Variants in ITGB1 observed in about 807,000 individuals in gnomAD.
ITGB1 encodes integrin subunit beta 1, also known as integrin beta-1.
Under a neutral mutation model 86.5 loss-of-function variants are expected in ITGB1, and 24 were observed. That is an observed-to-expected ratio of 0.28 (90% confidence interval 0.20 to 0.39). The LOEUF (loss-of-function observed/expected upper bound fraction) is 0.39, where lower values mean the gene tolerates loss of function less well. Among genes scored for constraint, ITGB1 ranks in the 10% least tolerant of loss-of-function variants. The pLI is 1.00. For missense variants in ITGB1, 556 were observed against 946.9 expected (o/e 0.59, Z 5.42); for synonymous variants, 323 against 316.8 (o/e 1.02, Z -0.21).
At chr10:32,929,792 G>C (rs770339589) in intron 4 of ITGB1, 30 bp downstream of exon 4, 1 of 1,239,482 alleles carries the variant, frequency 8.1e-7, no homozygotes, top group Admixed American at 1.7e-5. Flanking sequence ...AAGTAAACAC[G>C]CAGGTATTCA....
chr10:32,937,768 T>C (rs962894172), intron 1 of ITGB1, among the ~76,000 whole-genome samples: 4 of 152,130 alleles, frequency 2.6e-5, no homozygotes, highest in Non-Finnish European at 5.9e-5. Flanking sequence ...GTTAGGGTCT[T>C]CTTTCTACTT....
chr10:32,917,023 T>C (rs1376864340), intron 11 of ITGB1, among the ~76,000 whole-genome samples: 1 of 152,082 alleles, frequency 6.6e-6, no homozygotes, highest in Admixed American at 6.6e-5. Flanking sequence ...AACAGAGCCC[T>C]CAGAAATAAT....
rs1224265943 is a variant in ITGB1, at chr10:32,905,911, G to C, written c.2331+2457C>G. Among the ~76,000 whole-genome samples the C allele has an allele frequency of 3.9e-5, 6 of 152,144 alleles. No individual in the cohort carries two copies. The East Asian group carries it at 1.2e-3, about 29-fold the overall frequency. ...CTCAACCACCAGTCAGGAGAATTTA[G>C]TTCTAATCACAATTAACCTTTGTTA... is the stretch of plus-strand genomic sequence containing the variant. On this transcript the variant is annotated intron_variant, in intron 15 of 15. Transcript: ENST00000302278.
chr10:32,927,301 G>C (rs2094968021), intron 5 of ITGB1, among the ~76,000 whole-genome samples: 1 of 152,116 alleles, frequency 6.6e-6, no homozygotes, highest in South Asian at 2.1e-4. Context: ...TAAACCTCTA[G>C]AGCAACAGGA....
chr10:32,939,318 T>A (rs934434015), intron 1 of ITGB1, among the ~76,000 whole-genome samples: 4 of 152,210 alleles, frequency 2.6e-5, no homozygotes, highest in African/African-American at 9.6e-5. Flanking sequence ...CTAGAAACAG[T>A]TGTCTACACT....
In ITGB1 at chr10:32,918,831, GA is replaced by G. The variant is rs963558374; in HGVS notation, c.1469+1053del. ...ACATGCAAAAAAGTGTATGGAAGTT[GA>G]AAAAAAACATACTGTGTATACCACT... On this transcript the variant is annotated intron_variant, in intron 11 of 15. Transcript: ENST00000302278. Among the ~76,000 whole-genome samples, 209 of 151,600 alleles carry G rather than the reference GA, an allele frequency of 1.4e-3. 2 individuals carry two copies. The highest frequency in any genetic ancestry group is 4.9e-3 in the African/African-American group (201 of 41,334).
At chr10:32,935,402 T>TG (rs2137239643) in intron 2 of ITGB1, 90 bp downstream of exon 2, 1 of 769,590 alleles carries the variant, frequency 1.3e-6, no homozygotes, top group Admixed American at 2.0e-5. Context: ...AGCATGATTA[T>TG]GACTTAGGTT....
intron 9 of ITGB1, 34 bp from the exon 10 acceptor site, chr10:32,920,419 C>A: frequency 6.2e-7 from 1 of 1,600,782 alleles, no homozygotes; most frequent in South Asian, 1.1e-5. Flanking sequence ...CAGGAAAAGT[C>A]AAACAAAATG....
At chr10:32,948,531 G>A (rs1029413888) in intron 1 of ITGB1, among the ~76,000 whole-genome samples, 1 of 152,144 alleles carries the variant, frequency 6.6e-6, no homozygotes, top group Non-Finnish European at 1.5e-5. Flanking sequence ...AGGTTCACGT[G>A]TTGGAAACTT....
At chr10:32,923,875 T>C in intron 6 of ITGB1, 135 bp from the exon 7 acceptor site, 1 of 709,676 alleles carries the variant, frequency 1.4e-6, no homozygotes, top group Non-Finnish European at 2.3e-6. Context: ...TATACAATGG[T>C]AATTATCTTG....
At chr10:32,951,523 A>C (rs984732745) in intron 1 of ITGB1, among the ~76,000 whole-genome samples, 1 of 152,116 alleles carries the variant, frequency 6.6e-6, no homozygotes, top group Non-Finnish European at 1.5e-5. Flanking sequence ...TTAACTCAAG[A>C]CTTCAGAGGA....
At chr10:32,913,431 G>A (rs553462569) in intron 11 of ITGB1, among the ~76,000 whole-genome samples, 4 of 152,250 alleles carry the variant, frequency 2.6e-5, no homozygotes, top group East Asian at 3.9e-4. Flanking sequence ...AAAAAGACTA[G>A]ACGAATGGCT....
intron 1 of ITGB1, chr10:32,955,596 A>G (rs1214135441): frequency 6.6e-6 from 1 of 152,226 alleles, no homozygotes; most frequent in Non-Finnish European, 1.5e-5. Flanking sequence ...CAATAAAAGC[A>G]TTACAATCAG....
chr10:32,948,011 T>A (rs916119871), intron 1 of ITGB1, among the ~76,000 whole-genome samples: 5 of 152,202 alleles, frequency 3.3e-5, no homozygotes, highest in African/African-American at 1.2e-4. Flanking sequence ...GTTGAATTTT[T>A]TTTTTTTTTC....
At chr10:32,914,639 A>G (rs865924685) in intron 11 of ITGB1, among the ~76,000 whole-genome samples, 23 of 152,328 alleles carry the variant, frequency 1.5e-4, no homozygotes, top group Middle Eastern at 3.4e-3. Flanking sequence ...TATGCACCCA[A>G]TGCAGGAGCA....
intron 11 of ITGB1, among the ~76,000 whole-genome samples, chr10:32,914,123 G>T (rs4460762): frequency 2.6e-5 from 4 of 151,874 alleles, no homozygotes; most frequent in South Asian, 2.1e-4. Context: ...CTGAGAGATT[G>T]TGTCACCACC....
chr10:32,920,467 GA>G, intron 9 of ITGB1, 82 bp from the exon 10 acceptor site: 2 of 1,228,264 alleles, frequency 1.6e-6, no homozygotes, highest in African/African-American at 1.5e-5. Flanking sequence ...AAACTGCTCA[GA>G]AAAAAATATA....
At chr10:32,905,877 A>C (rs759615265) in intron 15 of ITGB1, among the ~76,000 whole-genome samples, 1 of 152,198 alleles carries the variant, frequency 6.6e-6, no homozygotes, top group African/African-American at 2.4e-5. Context: ...GGGAAAGAGA[A>C]GAAGAGTTCT....
chr10:32,924,161 C>T (rs1356374365), intron 6 of ITGB1, among the ~76,000 whole-genome samples: 2 of 152,166 alleles, frequency 1.3e-5, no homozygotes, highest in Non-Finnish European at 2.9e-5. Context: ...GTCTTGTCCC[C>T]ATCCACCCAT....
Sources: allele counts gnomAD v4.1 joint callset (sites outside exome capture counted in the v4.1 genomes callset), GRCh38; gene constraint gnomAD v4.1.1; transcripts MANE v1.5; gene names NCBI Gene and HGNC (gene_info 2026-07-23, HGNC 2026-07-21).